The following MADD variants were observed in gnomAD, a reference collection of about 807,000 sequenced individuals.
MADD encodes the protein MAP kinase activating death domain.
In MADD, 109 loss-of-function variants were observed where a neutral mutation model predicts 176.7. That is an observed-to-expected ratio of 0.62 (90% CI 0.53 to 0.72). MADD has a LOEUF of 0.72. Ranked by LOEUF, MADD falls within the 30% of genes least tolerant of loss-of-function variation. The probability of loss-of-function intolerance (pLI) is 0.00; values close to 1 mark genes in which losing one functional copy is unlikely to be tolerated. For synonymous variants in MADD, 771 were observed against 771.3 expected, an observed-to-expected ratio of 1.00 and a Z score of 0.01; for missense variants, 1,914 against 2,045.5, an observed-to-expected ratio of 0.94 and a Z score of 1.24.
Position 47,278,251 on chromosome 11 carries a change from ATGGCTAG to A in MADD, c.1186_1192del (p.Leu396IlefsTer7). On this transcript the variant is annotated frameshift_variant, in exon 6 of 33. Transcript: ENST00000402192. LOFTEE classifies it high-confidence loss of function. ...TGGACTTCAAAATGCCTGATGATGT[ATGGCTAG>A]TGGATCTGGACAGCAATAGGGTGAG... 1 of 1,613,922 alleles carries A rather than the reference ATGGCTAG, an allele frequency of 6.2e-7. No individual in the cohort carries two copies. Among genetic ancestry groups the A allele is most frequent in the Non-Finnish European group, 8.5e-7 (1 of 1,179,860 alleles).
At chr11:47,308,782 G>C in intron 23 of MADD, 83 bp downstream of exon 25, 2 of 1,212,992 alleles carry the variant, frequency 1.6e-6, no homozygotes, top group South Asian at 2.5e-5. Flanking sequence ...CAAGTAGCTG[G>C]TTGTCTTTCT....
At chr11:47,312,121 C>A (rs952038791) in intron 26 of MADD, among the ~76,000 whole-genome samples, 2 of 152,216 alleles carry the variant, frequency 1.3e-5, no homozygotes, top group Non-Finnish European at 2.9e-5. Flanking sequence ...TACATTTGCA[C>A]TGATGGTACC....
chr11:47,274,874 C>T, exon 3 of MADD: 1 of 1,614,106 alleles, frequency 6.2e-7, no homozygotes, highest in Non-Finnish European at 8.5e-7. Context: ...ACCCATGCCA[C>T]CTGTGCCTCA....
chr11:47,293,995 C>A lies in MADD; in HGVS notation c.3402+12C>A, dbSNP rs1205774606. 1 of 1,604,832 alleles carries A rather than the reference C, an allele frequency of 6.2e-7. No individual in the cohort carries two copies. Among genetic ancestry groups the A allele is most frequent in the East Asian group, 2.2e-5 (1 of 44,808 alleles). On this transcript the variant is annotated intron_variant, in intron 20 of 32. Transcript: ENST00000402192. ...CGTCTAGTTCCCAGGTTTGTGACAA[C>A]CTTGTTGAAATTTGCAAGTATTAAA...
chr11:47,284,119 G>A, intron 10 of MADD, 59 bp from the exon 11 acceptor site: 1 of 1,107,670 alleles, frequency 9.0e-7, no homozygotes, highest in East Asian at 2.3e-5. Context: ...GGTGCTGATT[G>A]TAGGTGTTCT....
exon 8 of MADD, chr11:47,281,598 C>T: frequency 6.2e-7 from 1 of 1,611,996 alleles, no homozygotes; most frequent in South Asian, 1.1e-5. Context: ...TGAGTCTCAA[C>T]ACCCAGCCCA....
chr11:47,274,557 CTT>C lies in MADD; in HGVS notation c.63-5_63-4del, dbSNP rs1355670001. 3 of 1,599,352 alleles carry C rather than the reference CTT, an allele frequency of 1.9e-6. No individual in the cohort carries two copies. In the East Asian group the frequency reaches 6.7e-5, roughly 36 times the overall value. ...AGGCTGCTGAATTTGTCTTTATGTT[CTT>C]CAGGCACCCGAGCAGTGATAGCGTG... On this transcript the variant is annotated splice_polypyrimidine_tract_variant and splice_region_variant and intron_variant, in intron 2 of 32. Transcript: ENST00000402192.
chr11:47,271,950 C>T (rs551158241), intron 1 of MADD: 1 of 152,270 alleles, frequency 6.6e-6, no homozygotes, highest in African/African-American at 2.4e-5. Context: ...GTTCGTTAAG[C>T]AGTGGTGATA....
At chr11:47,323,891 A>C (rs1473951547) in intron 28 of MADD, 56 bp downstream of exon 31, 2 of 1,569,896 alleles carry the variant, frequency 1.3e-6, no homozygotes, top group East Asian at 4.5e-5. Flanking sequence ...CCAAATAGTG[A>C]ATTTCTCTTT....
chr11:47,276,653 A>G (rs1172078890), intron 4 of MADD, 79 bp from the exon 5 acceptor site: 2 of 1,551,172 alleles, frequency 1.3e-6, no homozygotes, highest in Non-Finnish European at 1.8e-6. Context: ...GTGGAAACCA[A>G]GTTGTAATGT....
chr11:47,282,110 C>T (rs1592162132), intron 8 of MADD, among the ~76,000 whole-genome samples: 1 of 152,080 alleles, frequency 6.6e-6, no homozygotes, highest in African/African-American at 2.4e-5. Context: ...GCTGGGATTA[C>T]AGCCGTGAGC....
At chr11:47,309,451 A>G (rs1266012212) in intron 24 of MADD, 50 bp downstream of exon 27, 2 of 1,613,988 alleles carry the variant, frequency 1.2e-6, no homozygotes, top group East Asian at 2.2e-5. Flanking sequence ...GCCTCCTCCC[A>G]GTTAGTTCTG....
At chr11:47,290,702 A>G (rs748628981) in exon 19 of MADD, 5 of 1,614,044 alleles carry the variant, frequency 3.1e-6, no homozygotes, top group South Asian at 1.1e-5. Context: ...CCCAAAGGCT[A>G]TGGCACAACT....
In MADD at chr11:47,274,556, T is replaced by C; in HGVS notation, c.63-7T>C. ...CAGGCTGCTGAATTTGTCTTTATGTTCTTCAGGCACCCGAGCAGTGATAGC... is the reference window on the plus strand; with the variant it reads ...CAGGCTGCTGAATTTGTCTTTATGTCCTTCAGGCACCCGAGCAGTGATAGC... On this transcript the variant is annotated splice_polypyrimidine_tract_variant and splice_region_variant and intron_variant, in intron 2 of 32. Coordinates refer to ENST00000402192, the Ensembl canonical transcript of MADD. 6.3e-7 allele frequency: 1 copy of C among 1,599,544 alleles called. No homozygotes were observed. The highest frequency in any genetic ancestry group is 8.6e-7 in the Non-Finnish European group (1 of 1,168,410).
chr11:47,305,029 T>C (rs1054483136), intron 22 of MADD, among the ~76,000 whole-genome samples: 1 of 152,210 alleles, frequency 6.6e-6, no homozygotes, highest in Non-Finnish European at 1.5e-5. Context: ...GCAATAACTA[T>C]GGGTGCCTCA....
At chr11:47,276,251 T>C (rs1305847837) in intron 4 of MADD, 49 bp downstream of exon 4, 1 of 1,529,188 alleles carries the variant, frequency 6.5e-7, no homozygotes, top group Non-Finnish European at 8.8e-7. Context: ...CTCTTAAATA[T>C]GCCAGTGGCC....
intron 30 of MADD, among the ~76,000 whole-genome samples, chr11:47,326,166 A>C (rs1376020305): frequency 6.6e-6 from 1 of 152,206 alleles, no homozygotes; most frequent in Non-Finnish European, 1.5e-5. Context: ...TGTGTCACGT[A>C]GTAGGTGCAG....
At chr11:47,315,391 C>A in intron 27 of MADD, 64 bp downstream of exon 30, 1 of 820,668 alleles carries the variant, frequency 1.2e-6, no homozygotes, top group Non-Finnish European at 2.1e-6. Context: ...CTCATAGGAC[C>A]GATGCCAGGA....
chr11:47,271,641 G>A (rs1334651038), intron 1 of MADD, among the ~76,000 whole-genome samples: 1 of 152,104 alleles, frequency 6.6e-6, no homozygotes, highest in Non-Finnish European at 1.5e-5. Flanking sequence ...AACATAGATT[G>A]CAAGGTGTAG....
Sources: allele counts gnomAD v4.1 joint callset (sites outside exome capture counted in the v4.1 genomes callset), GRCh38; gene constraint gnomAD v4.1.1; transcripts MANE v1.5; gene names NCBI Gene and HGNC (gene_info 2026-07-23, HGNC 2026-07-21).